CCDC97: variants seen among roughly 807,000 people sequenced by gnomAD.
CCDC97 encodes the protein coiled-coil domain-containing protein 97.
Under a neutral mutation model 33.9 loss-of-function variants are expected in CCDC97, and 27 were observed. That is an observed-to-expected ratio of 0.80 (90% confidence interval 0.59 to 1.10). The LOEUF (loss-of-function observed/expected upper bound fraction) is 1.10, where lower values mean the gene tolerates loss of function less well. Ranked by LOEUF, CCDC97 falls within the 50% of genes least tolerant of loss-of-function variation. The probability of loss-of-function intolerance (pLI) is 0.00; values close to 1 mark genes in which losing one functional copy is unlikely to be tolerated. For missense variants in CCDC97, 422 were observed against 476.6 expected, an observed-to-expected ratio of 0.89 and a Z score of 1.07; for synonymous variants, 217 against 194.0, an observed-to-expected ratio of 1.12 and a Z score of -0.99.
chr19:41,310,265 A>G lies in CCDC97; in HGVS notation c.-46A>G. On this transcript the variant is annotated 5_prime_UTR_variant, in exon 1 of 5. Transcript: ENST00000269967. ...CTCTTGCGTGCGTGGGCCGGAGGTT[A>G]GTGTGCGGGGCCCGCCGGGCGGTTG... 6.4e-7 allele frequency: 1 copy of G among 1,570,056 alleles called. No homozygotes were observed. Among genetic ancestry groups the G allele is most frequent in the South Asian group, 1.2e-5 (1 of 85,682 alleles).
chr19:41,318,699 G>C (rs2037779372), intron 2 of CCDC97, among the ~76,000 whole-genome samples: 1 of 152,162 alleles, frequency 6.6e-6, no homozygotes, highest in African/African-American at 2.4e-5. Context: ...GGCAGCCAGG[G>C]GTGATGCAGG....
chr19:41,312,379 T>G (rs932578728), intron 1 of CCDC97, among the ~76,000 whole-genome samples: 1 of 151,940 alleles, frequency 6.6e-6, no homozygotes, highest in Non-Finnish European at 1.5e-5. Flanking sequence ...GCCACCACAC[T>G]TGGCCCATTC....
rs1010484646 is a variant in CCDC97 at position 41,316,482 on chromosome 19, G to A, written c.145G>A (p.Val49Met). The A allele has an allele frequency of 1.2e-6, 2 of 1,614,102 alleles. No individual in the cohort carries two copies. Among genetic ancestry groups the A allele is most frequent in the African/African-American group, 2.7e-5 (2 of 74,944 alleles). ...AGTGGAAGCAGCTGAGGCAACACCA[G>A]TGGCCCTGGACAGTGACACCTCCGG... ...DKVEAAEATP[V>M]ALDSDTSGAE... is the part of the protein sequence containing the mutation. The change falls in exon 2 of 5, where the codon GTG becomes ATG. Residue 49 changes from valine (V) to methionine (M), a missense_variant. Coordinates refer to ENST00000269967, the MANE Select transcript of CCDC97 (RefSeq NM_052848.3).
chr19:41,314,094 A>G lies in CCDC97; in HGVS notation c.47-2290A>G, dbSNP rs142940123. On this transcript the variant is annotated intron_variant, in intron 1 of 4. Transcript: ENST00000269967. ...TGAGGGCAGGAGCTGGACTGGATTC[A>G]TCCTATGGATCCTCAGCATTGCCTG... Among the ~76,000 whole-genome samples, 28 of 151,706 alleles carry G rather than the reference A, an allele frequency of 1.8e-4. No individual in the cohort carries two copies. The East Asian group carries it at 5.4e-3, about 30-fold the overall frequency.
At chr19:41,317,309 A>G (rs2037760760) in intron 2 of CCDC97, among the ~76,000 whole-genome samples, 1 of 152,246 alleles carries the variant, frequency 6.6e-6, no homozygotes, top group African/African-American at 2.4e-5. Context: ...ACCATGACAT[A>G]ATTAAAAGCA....
At chr19:41,320,697 A>G (rs890503407) in intron 4 of CCDC97, 1 of 523,046 alleles carries the variant, frequency 1.9e-6, no homozygotes, top group Non-Finnish European at 3.5e-6. Context: ...CAGGGGATGG[A>G]CAGGGATGAC....
chr19:41,322,592 C>A lies in CCDC97; in HGVS notation c.912-3C>A. The stretch of plus-strand genomic sequence containing the variant: ...AGTCCTTGACAGCCTCCTCCTCCTG[C>A]AGCACAGTAGACGACAACCCCGACT... On this transcript the variant is annotated splice_polypyrimidine_tract_variant and splice_region_variant and intron_variant, in intron 4 of 4. Transcript: ENST00000269967. 1 of 1,612,708 alleles carries A rather than the reference C, an allele frequency of 6.2e-7. No individual in the cohort carries two copies. The highest frequency in any genetic ancestry group is 8.5e-7 in the Non-Finnish European group (1 of 1,179,158).
rs1282629895 is a variant in CCDC97 at position 41,316,616 on chromosome 19, G to A, written c.279G>A (p.Val93=). The A allele has an allele frequency of 6.2e-7, 1 of 1,614,216 alleles. No individual in the cohort carries two copies. Among genetic ancestry groups the A allele is most frequent in the Admixed American group, 1.7e-5 (1 of 60,024 alleles). The part of the protein sequence containing the change: ...GEPDLTEHEK[V]AILAQLYHEK... Reference sequence around the variant, plus strand: ...CCGACTTGACAGAGCATGAGAAAGTGGCCATCCTGGCCCAGCTGTACCACG... The same window carrying A: ...CCGACTTGACAGAGCATGAGAAAGTAGCCATCCTGGCCCAGCTGTACCACG... The change falls in exon 2 of 5, where the codon GTG becomes GTA. Residue 93 remains valine (V), a synonymous_variant. Coordinates refer to ENST00000269967, the MANE Select transcript of CCDC97 (RefSeq NM_052848.3).
intron 2 of CCDC97, among the ~76,000 whole-genome samples, chr19:41,317,912 G>C (rs540732104): frequency 1.2e-4 from 18 of 150,426 alleles, no homozygotes; most frequent in Non-Finnish European, 2.7e-4. Flanking sequence ...TTAGCCACAT[G>C]TGGTGGCAGG....
At chr19:41,313,968 G>A (rs1265134210) in intron 1 of CCDC97, among the ~76,000 whole-genome samples, 1 of 151,738 alleles carries the variant, frequency 6.6e-6, no homozygotes, top group Admixed American at 6.6e-5. Context: ...CCAAAGTGCT[G>A]GATTACAGGC....
At chr19:41,313,997 C>T (rs897917579) in intron 1 of CCDC97, among the ~76,000 whole-genome samples, 2 of 152,086 alleles carry the variant, frequency 1.3e-5, no homozygotes, top group Non-Finnish European at 2.9e-5. Flanking sequence ...TGGTGCCCAG[C>T]CAGCTTTCCT....
chr19:41,310,797 C>G, intron 1 of CCDC97: 1 of 1,000,526 alleles, frequency 1.0e-6, no homozygotes, highest in Non-Finnish European at 1.2e-6. Context: ...CAAACTTATC[C>G]CAATCTAACG....
At position 41,322,827 on chromosome 19, in the gene CCDC97, A is replaced by T; in HGVS notation, c.*112A>T. 8.5e-7 allele frequency: 1 copy of T among 1,179,912 alleles called. No homozygotes were observed. Among genetic ancestry groups the T allele is most frequent in the Admixed American group, 2.2e-5 (1 of 44,992 alleles). 73.1% of individuals were successfully genotyped at this position (1,179,912 alleles called of 1,614,324 possible). A position where few individuals can be genotyped will look rare whatever the true frequency, so the allele number is the denominator to read the frequency against. The stretch of plus-strand genomic sequence containing the variant: ...GGGGACATCAGGGCAGTGCCCCACA[A>T]CCCACACACACCACCATCTCACTGG... On this transcript the variant is annotated 3_prime_UTR_variant, in exon 5 of 5. Coordinates refer to ENST00000269967, the MANE Select transcript of CCDC97 (RefSeq NM_052848.3).
chr19:41,319,888 A>G, intron 3 of CCDC97, 36 bp downstream of exon 3: 1 of 1,023,590 alleles, frequency 9.8e-7, no homozygotes, highest in East Asian at 2.6e-5. Context: ...CAGATTCCAG[A>G]CACCCCAGCC....
intron 1 of CCDC97, among the ~76,000 whole-genome samples, chr19:41,315,346 C>T (rs2123055337): frequency 6.7e-6 from 1 of 149,170 alleles, no homozygotes; most frequent in Admixed American, 6.7e-5. Context: ...TGGCACACAC[C>T]TGTAATCCCA....
In CCDC97 at chr19:41,319,811, G is replaced by C. The variant is rs760250212; in HGVS notation, c.740G>C (p.Cys247Ser). Residue 247 changes from cysteine (C) to serine (S), a missense_variant, in exon 3 of 5, where the codon TGC becomes TCC. Coordinates refer to ENST00000269967, the MANE Select transcript of CCDC97 (RefSeq NM_052848.3). ...LLQQQEEEEA[C>S]LEEEEEEEDS... ...CAACAGCAGGAGGAGGAGGAGGCCT[G>C]CTTGGAGGAAGAGGAAGAGGAGGAG... 5 of 1,596,878 alleles carry C rather than the reference G, an allele frequency of 3.1e-6. No homozygotes were observed. The East Asian group carries it at 6.7e-5, about 21-fold the overall frequency.
In CCDC97 at chr19:41,316,843, T is replaced by TGG; in HGVS notation, c.502+8_502+9dup. ...GCCCTGCGAGAGCTGATCCAAGGTGTGGGGGCCAGATGGGCGACAGTGGGC... is the reference window on the plus strand; with the variant it reads ...GCCCTGCGAGAGCTGATCCAAGGTGTGGGGGGGCCAGATGGGCGACAGTGGGC... On this transcript the variant is annotated splice_donor_region_variant and intron_variant, in intron 2 of 4. Transcript: ENST00000269967. 6.3e-7 allele frequency: 1 copy of TGG among 1,574,932 alleles called. No individual in the cohort carries two copies. Among genetic ancestry groups the TGG allele is most frequent in the African/African-American group, 1.4e-5 (1 of 73,836 alleles).
rs2037666698 is a variant in CCDC97, at chr19:41,310,339, C to T, written c.29C>T (p.Ala10Val). Residue 10 changes from alanine to valine, a missense_variant, in exon 1 of 5, where the codon GCG becomes GTG. Transcript: ENST00000269967. MEAVATATAAKEPDKGCIEP... is the reference protein window; with the variant it reads MEAVATATAVKEPDKGCIEP... ...GAGGCCGTGGCGACGGCGACGGCGG[C>T]GAAGGAACCCGATAAGGGTGAGATC... The T allele has an allele frequency of 6.2e-7, 1 of 1,606,128 alleles. No homozygotes were observed. The highest frequency in any genetic ancestry group is 8.5e-7 in the Non-Finnish European group (1 of 1,176,830).
At chr19:41,319,314 C>T (rs2037787409) in intron 2 of CCDC97, among the ~76,000 whole-genome samples, 1 of 152,194 alleles carries the variant, frequency 6.6e-6, no homozygotes, top group African/African-American at 2.4e-5. Context: ...TGCTTGCGCA[C>T]ACAGCTTCAG....
Sources: gnomAD v4.1 joint callset for allele counts (sites outside exome capture counted in the v4.1 genomes callset) on GRCh38, gnomAD v4.1.1 for gene constraint, MANE v1.5 for transcripts, NCBI Gene and HGNC (gene_info 2026-07-23, HGNC 2026-07-21) for gene names.